CXADR: variants seen among roughly 807,000 people sequenced by gnomAD.
CXADR encodes the protein CXADR cell adhesion molecule.
A neutral mutation model predicts 40.3 loss-of-function variants in CXADR; 20 were observed. The ratio of observed to expected loss-of-function variants is 0.50; its 90% confidence interval spans 0.35 to 0.72. CXADR has a LOEUF of 0.72. CXADR is among the 30% of genes least tolerant of loss of function. The pLI is 0.01. For missense variants in CXADR, 332 were observed against 449.1 expected (o/e 0.74, Z 2.36); for synonymous variants, 150 against 161.3 (o/e 0.93, Z 0.53).
At chr21:17,606,099 TAAC>T in the CXADR span, among the ~76,000 whole-genome samples, 4 of 151,988 alleles carry the variant, frequency 2.6e-5, no homozygotes, top group Non-Finnish European at 4.4e-5. Flanking sequence ...ATAATAATAT[TAAC>T]AATAATAAGC....
rs11427595 is a variant in CXADR, at chr21:17,534,789, CT to C, written c.44-12224del. 9.9e-4 allele frequency among the ~76,000 whole-genome samples: 131 copies of C among 131,892 alleles called. 1 individual carries two copies. The highest frequency in any genetic ancestry group is 3.1e-3 in the African/African-American group (109 of 34,774). 86.5% of individuals were successfully genotyped at this position (131,892 alleles called of 152,430 possible). A position where few individuals can be genotyped will look rare whatever the true frequency, so the allele number is the denominator to read the frequency against. Reference sequence around the variant, plus strand: ...CTGATTTGTCTAACTTATTTTCTTCCTTTTTTTTTTTTTTGAGAAGGACTCT... The same window carrying C: ...CTGATTTGTCTAACTTATTTTCTTCCTTTTTTTTTTTTTGAGAAGGACTCT... On this transcript the variant is annotated intron_variant, in intron 1 of 6. Coordinates refer to ENST00000284878, the MANE Select transcript of CXADR (RefSeq NM_001338.5).
At chr21:17,608,911 C>T in the CXADR span, 1 of 1,510,162 alleles carries the variant, frequency 6.6e-7, no homozygotes, top group Non-Finnish European at 8.9e-7. Flanking sequence ...CTTCAATCAT[C>T]CGGCCTTGAA....
rs374956481 is a variant in CXADR at position 17,575,553 on chromosome 21, C to T, written c.1017+9942C>T. Among the ~76,000 whole-genome samples, 45 of 149,610 alleles carry T rather than the reference C, an allele frequency of 3.0e-4. 1 individual carries two copies. In the East Asian group the frequency reaches 8.4e-3, roughly 28 times the overall value. On this transcript the variant is annotated intron_variant, in intron 7 of 7. Coordinates refer to the CXADR transcript ENST00000400169. Reference sequence around the variant, plus strand: ...TTGCCCAGGCTGGAGTGCAGTGGCACGATCTCTGCTCACTGCAAGCTCCGC... The same window carrying T: ...TTGCCCAGGCTGGAGTGCAGTGGCATGATCTCTGCTCACTGCAAGCTCCGC...
the CXADR span, chr21:17,614,192 G>A: frequency 2.6e-5 from 4 of 152,110 alleles, no homozygotes; most frequent in African/African-American, 9.7e-5. Context: ...TCTAGGAGGT[G>A]TGAAGGTGTT....
chr21:17,583,703 CTCTT>C (rs1275809667), intron 7 of CXADR, among the ~76,000 whole-genome samples: 2 of 152,204 alleles, frequency 1.3e-5, no homozygotes, highest in African/African-American at 2.4e-5. Context: ...GTATAATCCT[CTCTT>C]TGAGTTTGCT....
At chr21:17,521,930 T>C (rs1600946257) in intron 1 of CXADR, among the ~76,000 whole-genome samples, 1 of 152,192 alleles carries the variant, frequency 6.6e-6, no homozygotes, top group East Asian at 1.9e-4. Context: ...ATCTATTATA[T>C]CTGGATTCCG....
At chr21:17,558,131 T>C (rs2061059987) in intron 3 of CXADR, among the ~76,000 whole-genome samples, 1 of 151,882 alleles carries the variant, frequency 6.6e-6, no homozygotes, top group African/African-American at 2.4e-5. Context: ...ATTTCCAGGC[T>C]GTGAATATCT....
At chr21:17,550,641 A>C (rs1389864274) in intron 2 of CXADR, among the ~76,000 whole-genome samples, 7 of 152,190 alleles carry the variant, frequency 4.6e-5, no homozygotes, top group African/African-American at 1.7e-4. Flanking sequence ...GAATGAAGAG[A>C]TTTCATTAGC....
the CXADR span, chr21:17,614,073 C>A: frequency 6.9e-6 from 1 of 145,078 alleles, no homozygotes; most frequent in Admixed American, 7.2e-5. Context: ...AATATACCAT[C>A]CCCCAAACAG....
rs2061203714 is a variant in CXADR, at chr21:17,565,980, T to A, written c.*288T>A. The A allele has an allele frequency of 9.5e-7, 1 of 1,047,634 alleles. No individual in the cohort carries two copies. The highest frequency in any genetic ancestry group is 7.2e-5 in the East Asian group (1 of 13,842). 64.9% of individuals were successfully genotyped at this position (1,047,634 alleles called of 1,614,324 possible). On this transcript the variant is annotated 3_prime_UTR_variant, in exon 7 of 7. Transcript: ENST00000284878. ...TCAGTACCTAAGTAAGATGTAGCGC[T>A]TTGAATATGAAATCATAGGTGAAGA...
chr21:17,594,140 A>G (rs2061471697), downstream of CXADR: 1 of 1,613,154 alleles, frequency 6.2e-7, no homozygotes. Flanking sequence ...TTCCGGTCAC[A>G]ATGCATTCCA....
At chr21:17,518,266 C>A (rs211954) in intron 1 of CXADR, among the ~76,000 whole-genome samples, 123,543 of 151,404 alleles carry the variant, frequency 0.82, 50,275 homozygotes, top group East Asian at 0.84. Flanking sequence ...TACCCCAAAC[C>A]AAAAACAAAA....
At chr21:17,590,380 C>A (rs1353368350) in intron 7 of CXADR, among the ~76,000 whole-genome samples, 1 of 151,954 alleles carries the variant, frequency 6.6e-6, no homozygotes. Context: ...GTTAAACATG[C>A]TTCCACTTTT....
the CXADR span, among the ~76,000 whole-genome samples, chr21:17,610,517 A>T: frequency 2.6e-5 from 4 of 152,204 alleles, no homozygotes. Context: ...ATAATCAGAG[A>T]TTTAGCTACA....
At chr21:17,584,124 T>G (rs1312586145) in intron 7 of CXADR, among the ~76,000 whole-genome samples, 2 of 152,216 alleles carry the variant, frequency 1.3e-5, no homozygotes, top group East Asian at 3.9e-4. Flanking sequence ...GGAAGGATTC[T>G]GTTAGAAGAA....
downstream of CXADR, among the ~76,000 whole-genome samples, chr21:17,572,412 T>C (rs2061285604): frequency 1.3e-5 from 2 of 150,806 alleles, no homozygotes; most frequent in Admixed American, 1.3e-4. Context: ...AAAGGATGAG[T>C]ATGTGCAGTG....
At chr21:17,540,619 C>T (rs907940386) in intron 1 of CXADR, among the ~76,000 whole-genome samples, 3 of 152,212 alleles carry the variant, frequency 2.0e-5, no homozygotes, top group Non-Finnish European at 4.4e-5. Flanking sequence ...ATTTTCCTGA[C>T]TGTTGTTGGA....
At chr21:17,553,622 T>C (rs1334985446) in intron 3 of CXADR, among the ~76,000 whole-genome samples, 1 of 141,220 alleles carries the variant, frequency 7.1e-6, no homozygotes, top group African/African-American at 3.2e-5. Context: ...TTCTTTTTTT[T>C]TTTTTTTTTT....
chr21:17,586,092 G>A (rs777602912), intron 7 of CXADR, among the ~76,000 whole-genome samples: 1 of 151,982 alleles, frequency 6.6e-6, no homozygotes, highest in Non-Finnish European at 1.5e-5. Flanking sequence ...TTTTATAGGC[G>A]ATTTATTCCT....
Sources: gnomAD v4.1 joint callset for allele counts (sites outside exome capture counted in the v4.1 genomes callset) on GRCh38, gnomAD v4.1.1 for gene constraint, MANE v1.5 for transcripts, NCBI Gene and HGNC (gene_info 2026-07-23, HGNC 2026-07-21) for gene names.